The following ASB2 variants were observed in gnomAD, a reference collection of about 807,000 sequenced individuals.
ASB2 encodes ankyrin repeat and SOCS box containing 2.
Under a neutral mutation model 62.4 loss-of-function variants are expected in ASB2, and 58 were observed. The observed-to-expected ratio is 0.93, with a 90% CI of 0.75 to 1.16. The LOEUF is 1.16. Ranked by LOEUF, ASB2 falls within the 50% of genes most tolerant of loss-of-function variation. The probability of loss-of-function intolerance (pLI) is 0.00; values close to 1 mark genes in which losing one functional copy is unlikely to be tolerated. For synonymous variants in ASB2, 386 were observed against 385.3 expected (o/e 1.00, Z -0.02); for missense variants, 928 against 887.9 (o/e 1.05, Z -0.57).
chr14:93,968,186 C>A (rs973318426), intron 1 of ASB2: 3 of 152,208 alleles, frequency 2.0e-5, no homozygotes, highest in Admixed American at 1.3e-4. Context: ...TCACCAATCC[C>A]GAAGCTAATT....
chr14:93,956,640 C>T (rs1889219577), intron 3 of ASB2, 126 bp downstream of exon 3: 6 of 1,294,746 alleles, frequency 4.6e-6, no homozygotes, highest in South Asian at 2.5e-5. Context: ...AAGGAGCGTG[C>T]CTGGCAGGTG....
chr14:93,942,063 C>T, intron 7 of ASB2: 1 of 429,016 alleles, frequency 2.3e-6, no homozygotes, highest in Non-Finnish European at 4.8e-6. Context: ...CCTCTCCTCC[C>T]AACTATGGGA....
intron 7 of ASB2, among the ~76,000 whole-genome samples, chr14:93,944,646 G>C (rs914792140): frequency 6.6e-6 from 1 of 152,252 alleles, no homozygotes; most frequent in Non-Finnish European, 1.5e-5. Flanking sequence ...CTGGGAACCA[G>C]GCTTTAACCC....
intron 2 of ASB2, among the ~76,000 whole-genome samples, chr14:93,958,179 G>C (rs933854993): frequency 1.3e-5 from 2 of 152,230 alleles, no homozygotes; most frequent in Non-Finnish European, 2.9e-5. Context: ...CCTCCCACCT[G>C]CCTTCTCCCA....
At chr14:93,945,132 G>T (rs1888674452) in intron 7 of ASB2, among the ~76,000 whole-genome samples, 1 of 152,202 alleles carries the variant, frequency 6.6e-6, no homozygotes, top group African/African-American at 2.4e-5. Context: ...TGATTCACCG[G>T]ATCTGATATG....
chr14:93,938,218 CCTTTT>C (rs1192563422), intron 8 of ASB2, among the ~76,000 whole-genome samples: 1 of 144,684 alleles, frequency 6.9e-6, no homozygotes, highest in Non-Finnish European at 1.5e-5. Context: ...TGTCTAACTT[CCTTTT>C]AAGTTCTGAC....
At chr14:93,969,353 G>A (rs1325727163) in intron 1 of ASB2, among the ~76,000 whole-genome samples, 1 of 152,216 alleles carries the variant, frequency 6.6e-6, no homozygotes. Context: ...CAGCCTGACT[G>A]AGTTCACATC....
At chr14:93,944,020 G>C (rs1053294946) in intron 7 of ASB2, 5 of 455,950 alleles carry the variant, frequency 1.1e-5, no homozygotes, top group Non-Finnish European at 2.2e-5. Context: ...TGTGTTTTCT[G>C]TTGGCCACAG....
chr14:93,949,982 G>A (rs976431695), intron 6 of ASB2, among the ~76,000 whole-genome samples: 4 of 152,202 alleles, frequency 2.6e-5, no homozygotes, highest in Non-Finnish European at 4.4e-5. Context: ...CTCTCACAGG[G>A]TAGGGTGGCT....
chr14:93,952,640 T>C (rs1889012499), intron 5 of ASB2, among the ~76,000 whole-genome samples: 1 of 152,192 alleles, frequency 6.6e-6, no homozygotes, highest in African/African-American at 2.4e-5. Context: ...GGGGTACCCC[T>C]TGCAAGCTGT....
At chr14:93,935,583 G>A (rs1219323624) in intron 9 of ASB2, among the ~76,000 whole-genome samples, 1 of 152,144 alleles carries the variant, frequency 6.6e-6, no homozygotes, top group Non-Finnish European at 1.5e-5. Context: ...CTGGGGGAGG[G>A]GCAGGAATTT....
At chr14:93,969,683 A>C (rs563289370) in intron 1 of ASB2, among the ~76,000 whole-genome samples, 1 of 152,304 alleles carries the variant, frequency 6.6e-6, no homozygotes, top group East Asian at 1.9e-4. Context: ...GGCCTTGCCC[A>C]GCCATCAGGG....
intron 9 of ASB2, among the ~76,000 whole-genome samples, chr14:93,936,860 T>C (rs893838947): frequency 6.6e-6 from 1 of 152,148 alleles, no homozygotes; most frequent in African/African-American, 2.4e-5. Flanking sequence ...CTAGGGTAGC[T>C]AGAATGCCAC....
At position 93,971,191 on chromosome 14, in the gene ASB2, C is replaced by T. The variant is rs554638683; in HGVS notation, c.-74+5243G>A. On this transcript the variant is annotated intron_variant, in intron 1 of 9. Transcript: ENST00000555019. ...GCGTGACAGCTGTGGTCAAAACTGC[C>T]GCTGTGACTGTCAGCTCCCCGGGCT... Among the ~76,000 whole-genome samples the T allele has an allele frequency of 3.3e-4, 51 of 152,332 alleles. No individual in the cohort carries two copies. The South Asian group carries it at 0.01, about 31-fold the overall frequency.
intron 1 of ASB2, among the ~76,000 whole-genome samples, chr14:93,970,374 A>G (rs1331246388): frequency 6.6e-6 from 1 of 152,158 alleles, no homozygotes; most frequent in African/African-American, 2.4e-5. Flanking sequence ...GCTGCTCGTC[A>G]GCCTACCCTG....
At chr14:93,972,735 C>T (rs1889795684) in intron 1 of ASB2, among the ~76,000 whole-genome samples, 3 of 152,208 alleles carry the variant, frequency 2.0e-5, no homozygotes, top group Non-Finnish European at 4.4e-5. Flanking sequence ...GGATGGAATC[C>T]CAGCCACCTT....
In ASB2 at chr14:93,951,684, A is replaced by G. The variant is rs544067586; in HGVS notation, c.635-440T>C. Among the ~76,000 whole-genome samples the G allele has an allele frequency of 9.2e-5, 14 of 152,294 alleles. 1 individual carries two copies. In the South Asian group the frequency reaches 2.9e-3, roughly 32 times the overall value. The stretch of plus-strand genomic sequence containing the variant: ...AGGCTGAAGGTCTCTGTCCCCTGGG[A>G]TGTCCCAGGATGTCCCTATCATTTC... On this transcript the variant is annotated intron_variant, in intron 5 of 9. Coordinates refer to ENST00000555019, the MANE Select transcript of ASB2 (RefSeq NM_001202429.2).
chr14:93,956,899 G>A (rs769694250), intron 2 of ASB2, 29 bp from the exon 3 acceptor site: 49 of 1,613,898 alleles, frequency 3.0e-5, no homozygotes, highest in Non-Finnish European at 3.6e-5. Context: ...GAGTGAAAGA[G>A]GGAAAAGTAC....
intron 5 of ASB2, 77 bp downstream of exon 5, chr14:93,953,275 G>A (rs772677755): frequency 2.2e-6 from 3 of 1,333,562 alleles, no homozygotes; most frequent in South Asian, 1.6e-5. Context: ...TGCACTTAAC[G>A]GGAGCAACAT....
Sources: gnomAD v4.1 joint callset for allele counts (sites outside exome capture counted in the v4.1 genomes callset) on GRCh38, gnomAD v4.1.1 for gene constraint, MANE v1.5 for transcripts, NCBI Gene and HGNC (gene_info 2026-07-23, HGNC 2026-07-21) for gene names.